EPHA3: variants seen among roughly 807,000 people sequenced by gnomAD.
The protein encoded by EPHA3 is ephrin type-A receptor 3.
A neutral mutation model predicts 107.1 loss-of-function variants in EPHA3; 42 were observed. The observed-to-expected ratio is 0.39, with a 90% confidence interval of 0.31 to 0.51. The LOEUF is 0.51. Ranked by LOEUF, EPHA3 falls within the 20% of genes least tolerant of loss-of-function variation. The probability of loss-of-function intolerance (pLI) is 0.78; values close to 1 mark genes in which losing one functional copy is unlikely to be tolerated. For missense variants in EPHA3, 1,183 were observed against 1,211.2 expected, an observed-to-expected ratio of 0.98 and a Z score of 0.35; for synonymous variants, 461 against 424.8, an observed-to-expected ratio of 1.09 and a Z score of -1.05.
Position 89,156,799 on chromosome 3 carries a change from A to G in EPHA3, c.153+29526A>G, listed in dbSNP as rs186800923. Among the ~76,000 whole-genome samples, 460 of 152,142 alleles carry G rather than the reference A, an allele frequency of 3.0e-3. 2 individuals carry two copies. The highest frequency in any genetic ancestry group is 4.0e-3 in the Non-Finnish European group (271 of 67,984). The stretch of plus-strand genomic sequence containing the variant: ...AGACCATGAAAGTGCTAAATATATA[A>G]GAATATAAGATTCTGATGACTTTTG... On this transcript the variant is annotated intron_variant, in intron 2 of 16. Coordinates refer to ENST00000336596, the MANE Select transcript of EPHA3 (RefSeq NM_005233.6).
rs185001855 is a variant in EPHA3 at position 89,457,562 on chromosome 3, G to A, written c.2690+7192G>A. Among the ~76,000 whole-genome samples, 62 of 152,280 alleles carry A rather than the reference G, an allele frequency of 4.1e-4. No individual in the cohort carries two copies. The East Asian group carries it at 6.0e-3, about 15-fold the overall frequency. ...ACCATCCCCCACCACACCCCCATTC[G>A]TGGAAAAATTGTCTTCCATGAAACT... On this transcript the variant is annotated intron_variant, in intron 15 of 16. Coordinates refer to ENST00000336596, the MANE Select transcript of EPHA3 (RefSeq NM_005233.6).
At chr3:89,472,216 T>C (rs1012663809) in intron 15 of EPHA3, among the ~76,000 whole-genome samples, 1 of 152,220 alleles carries the variant, frequency 6.6e-6, no homozygotes, top group Non-Finnish European at 1.5e-5. Context: ...TGTCTTTCAC[T>C]GGAAAATTTT....
chr3:89,205,073 T>G (rs1706067265), intron 2 of EPHA3, among the ~76,000 whole-genome samples: 1 of 152,180 alleles, frequency 6.6e-6, no homozygotes, highest in African/African-American at 2.4e-5. Flanking sequence ...AGAAACTGGT[T>G]TTAAGTCTTA....
chr3:89,128,695 A>C (rs1246255532), intron 2 of EPHA3, among the ~76,000 whole-genome samples: 1 of 149,732 alleles, frequency 6.7e-6, no homozygotes, highest in Non-Finnish European at 1.5e-5. Flanking sequence ...TATATACTAT[A>C]TACTCAATAA....
intron 7 of EPHA3, among the ~76,000 whole-genome samples, chr3:89,402,146 G>T (rs1708976272): frequency 6.6e-6 from 1 of 152,104 alleles, no homozygotes; most frequent in Non-Finnish European, 1.5e-5. Context: ...TTTTAAAATT[G>T]TAATGTAATT....
rs1377133611 is a variant in EPHA3, at chr3:89,291,036, T to C, written c.815-49880T>C. On this transcript the variant is annotated intron_variant, in intron 3 of 16. Coordinates refer to ENST00000336596, the MANE Select transcript of EPHA3 (RefSeq NM_005233.6). ...CTTGGATGACTGGATTGGTGCCATT[T>C]TTCTTTATATACCCTTTGTAGTCAG... Among the ~76,000 whole-genome samples, 4 of 152,174 alleles carry C rather than the reference T, an allele frequency of 2.6e-5. No individual in the cohort carries two copies. In the East Asian group the frequency reaches 5.8e-4, roughly 22 times the overall value.
intron 3 of EPHA3, among the ~76,000 whole-genome samples, chr3:89,214,062 C>G (rs1704169647): frequency 6.6e-6 from 1 of 151,930 alleles, no homozygotes; most frequent in African/African-American, 2.4e-5. Flanking sequence ...ATACAAGATT[C>G]TATGTCTTCT....
intron 2 of EPHA3, among the ~76,000 whole-genome samples, chr3:89,203,506 G>T (rs115217230): frequency 0.013 from 2,007 of 152,110 alleles, 49 homozygotes; most frequent in African/African-American, 0.046. Context: ...GGGCGCGGTG[G>T]CTCAAGCCTG....
At chr3:89,308,288 C>A (rs575761004) in intron 3 of EPHA3, among the ~76,000 whole-genome samples, 92 of 152,208 alleles carry the variant, frequency 6.0e-4, no homozygotes, top group African/African-American at 2.2e-3. Context: ...ATGATACAAA[C>A]AGTTTGATTA....
intron 5 of EPHA3, among the ~76,000 whole-genome samples, chr3:89,392,157 C>T (rs116689479): frequency 0.016 from 2,436 of 151,924 alleles, 67 homozygotes; most frequent in African/African-American, 0.055. Flanking sequence ...ATTAAAAATC[C>T]GGAGGGGCGC....
At chr3:89,250,203 C>T (rs1434809521) in intron 3 of EPHA3, among the ~76,000 whole-genome samples, 1 of 152,194 alleles carries the variant, frequency 6.6e-6, no homozygotes, top group Non-Finnish European at 1.5e-5. Flanking sequence ...AGTCAACATT[C>T]TCCTTATCAA....
intron 2 of EPHA3, among the ~76,000 whole-genome samples, chr3:89,150,614 A>T (rs1293540393): frequency 6.6e-6 from 1 of 152,046 alleles, no homozygotes; most frequent in East Asian, 1.9e-4. Flanking sequence ...GAAAACTCCA[A>T]AATGTTGAAA....
intron 2 of EPHA3, among the ~76,000 whole-genome samples, chr3:89,145,430 C>T (rs1460367798): frequency 6.6e-6 from 1 of 151,612 alleles, no homozygotes; most frequent in African/African-American, 2.4e-5. Flanking sequence ...TGTATATACA[C>T]ATATATTATT....
chr3:89,244,497 T>C (rs1288385200), intron 3 of EPHA3, among the ~76,000 whole-genome samples: 1 of 152,126 alleles, frequency 6.6e-6, no homozygotes, highest in Non-Finnish European at 1.5e-5. Context: ...ATACTATCCA[T>C]TAAATTTTTG....
intron 6 of EPHA3, among the ~76,000 whole-genome samples, chr3:89,397,538 C>T (rs1375539698): frequency 2.7e-5 from 4 of 150,864 alleles, no homozygotes; most frequent in African/African-American, 9.8e-5. Context: ...AATATGCTGC[C>T]TTATTTCAAA....
intron 3 of EPHA3, among the ~76,000 whole-genome samples, chr3:89,240,658 G>A (rs888114767): frequency 1.3e-5 from 2 of 151,672 alleles, no homozygotes; most frequent in African/African-American, 4.8e-5. Context: ...TAAAAATTCA[G>A]AATATTTTTA....
intron 2 of EPHA3, among the ~76,000 whole-genome samples, chr3:89,145,692 A>C (rs1432639290): frequency 6.6e-6 from 1 of 151,810 alleles, no homozygotes; most frequent in Non-Finnish European, 1.5e-5. Flanking sequence ...CCTAATGTAG[A>C]GACCTTTGAG....
chr3:89,314,337 T>G (rs1238990047), intron 3 of EPHA3, among the ~76,000 whole-genome samples: 1 of 151,954 alleles, frequency 6.6e-6, no homozygotes, highest in Admixed American at 6.6e-5. Context: ...GTTAGAGGTA[T>G]GTGACTAACT....
chr3:89,328,063 A>T (rs191984602), intron 3 of EPHA3, among the ~76,000 whole-genome samples: 17 of 152,104 alleles, frequency 1.1e-4, no homozygotes, highest in Non-Finnish European at 2.4e-4. Flanking sequence ...ATGCCACGGT[A>T]CTCCAGCCTG....
Sources: allele counts gnomAD v4.1 joint callset (sites outside exome capture counted in the v4.1 genomes callset), GRCh38; gene constraint gnomAD v4.1.1; transcripts MANE v1.5; gene names NCBI Gene and HGNC (gene_info 2026-07-23, HGNC 2026-07-21).